BATF: variants seen among roughly 807,000 people sequenced by gnomAD.
BATF encodes the protein basic leucine zipper transcriptional factor ATF-like.
Under a neutral mutation model 13.7 loss-of-function variants are expected in BATF, and 5 were observed. The ratio of observed to expected loss-of-function variants is 0.36; its 90% CI spans 0.19 to 0.77. The LOEUF (loss-of-function observed/expected upper bound fraction) is 0.77. BATF is among the 30% of genes least tolerant of loss of function. BATF has a pLI of 0.51. For synonymous variants in BATF, 72 were observed against 67.5 expected, an observed-to-expected ratio of 1.07 and a Z score of -0.33; for missense variants, 124 against 163.0, an observed-to-expected ratio of 0.76 and a Z score of 1.30.
At chr14:75,541,484 A>G (rs1437005754) in intron 2 of BATF, among the ~76,000 whole-genome samples, 1 of 152,106 alleles carries the variant, frequency 6.6e-6, no homozygotes, top group Non-Finnish European at 1.5e-5. Context: ...TGTCCAGAAT[A>G]TCTGGCCAGG....
intron 1 of BATF, among the ~76,000 whole-genome samples, chr14:75,524,808 T>C (rs1328298329): frequency 6.6e-6 from 1 of 152,084 alleles, no homozygotes; most frequent in Non-Finnish European, 1.5e-5. Context: ...CATTTTTTTT[T>C]TTTTTGGCCA....
intron 2 of BATF, among the ~76,000 whole-genome samples, chr14:75,543,943 C>A (rs1291308686): frequency 2.6e-5 from 4 of 152,058 alleles, no homozygotes; most frequent in Admixed American, 2.6e-4. Context: ...CTATTTAGGG[C>A]AAATTTTAAA....
At position 75,525,243 on chromosome 14, in the gene BATF, A is replaced by C. The variant is rs545498676; in HGVS notation, c.168+55A>C. On this transcript the variant is annotated intron_variant, in intron 2 of 2. Transcript: ENST00000286639. ...TGAGCTTTAGGCTTTGCCCTCCGCC[A>C]TCTGGGAACCCTTGGACCATAGCTT... 2.6e-6 allele frequency: 4 copies of C among 1,535,582 alleles called. No homozygotes were observed. In the Admixed American group the frequency reaches 7.3e-5, roughly 28 times the overall value.
At chr14:75,529,464 A>AT (rs1566766503) in intron 2 of BATF, among the ~76,000 whole-genome samples, 2 of 152,142 alleles carry the variant, frequency 1.3e-5, no homozygotes, top group African/African-American at 2.4e-5. Context: ...TAAATGTTAA[A>AT]TTTTTTAAAA....
intron 1 of BATF, among the ~76,000 whole-genome samples, chr14:75,524,248 C>T (rs939017977): frequency 6.6e-6 from 1 of 152,192 alleles, no homozygotes; most frequent in Non-Finnish European, 1.5e-5. Flanking sequence ...ACCCAAAGAT[C>T]CCCTTATCCT....
At position 75,546,859 on chromosome 14, in the gene BATF, G is replaced by A. The variant is rs1339876177; in HGVS notation, c.*188G>A. 2.6e-5 allele frequency: 21 copies of A among 820,104 alleles called. No homozygotes were observed. Among genetic ancestry groups the A allele is most frequent in the Non-Finnish European group, 4.1e-5 (20 of 493,370 alleles). The allele number at this position is 820,104 out of a possible 1,614,324, so 50.8% of individuals were successfully genotyped here. On this transcript the variant is annotated 3_prime_UTR_variant, in exon 3 of 3. Transcript: ENST00000286639. ...CAGCAGTGCCGCAGCGTTTCGAGGG[G>A]CGTGTGCTGGACCCCACCACTGTGG...
rs144294755 is a variant in BATF, at chr14:75,527,923, C to G, written c.168+2735C>G. On this transcript the variant is annotated intron_variant, in intron 2 of 2. Coordinates refer to ENST00000286639, the MANE Select transcript of BATF (RefSeq NM_006399.5). ...TGCCAATGCAACTTATGTTTCTTGG[C>G]TTCAGGTAGAAGCTTTTGGCAGCAA... Among the ~76,000 whole-genome samples the G allele has an allele frequency of 4.5e-3, 688 of 152,322 alleles. 4 individuals carry two copies. The highest frequency in any genetic ancestry group is 0.016 in the African/African-American group (664 of 41,576).
At chr14:75,532,368 T>C (rs1256542011) in intron 2 of BATF, among the ~76,000 whole-genome samples, 5 of 152,196 alleles carry the variant, frequency 3.3e-5, no homozygotes, top group South Asian at 2.1e-4. Context: ...AGTAAAGACA[T>C]GTTTACTTTC....
intron 2 of BATF, among the ~76,000 whole-genome samples, chr14:75,539,058 A>G (rs962154156): frequency 6.6e-6 from 1 of 152,232 alleles, no homozygotes; most frequent in Non-Finnish European, 1.5e-5. Flanking sequence ...GCATTCAGAG[A>G]CAAGTGAGAG....
chr14:75,527,155 G>C (rs1275415177), intron 2 of BATF, among the ~76,000 whole-genome samples: 1 of 152,052 alleles, frequency 6.6e-6, no homozygotes, highest in African/African-American at 2.4e-5. Flanking sequence ...CATTTAAAGA[G>C]CCCAACACAA....
chr14:75,545,814 A>G (rs1375355214), intron 2 of BATF, among the ~76,000 whole-genome samples: 1 of 151,970 alleles, frequency 6.6e-6, no homozygotes, highest in Non-Finnish European at 1.5e-5. Flanking sequence ...ACGCAGAGGA[A>G]CACACTCACA....
In BATF at chr14:75,546,444, TGA is replaced by T. The variant is rs762016129; in HGVS notation, c.169-17_169-16del. On this transcript the variant is annotated splice_polypyrimidine_tract_variant and intron_variant, in intron 2 of 2. Transcript: ENST00000286639. ...CTTCCTAGACACTAACCTCCGGTGC[TGA>T]TCCCCACCCCTACAGGAGAGCGAAG... 4 of 1,613,588 alleles carry T rather than the reference TGA, an allele frequency of 2.5e-6. No homozygotes were observed. The highest frequency in any genetic ancestry group is 3.4e-6 in the Non-Finnish European group (4 of 1,179,692).
chr14:75,543,748 G>A (rs1887938107), intron 2 of BATF, among the ~76,000 whole-genome samples: 1 of 151,490 alleles, frequency 6.6e-6, no homozygotes, highest in Non-Finnish European at 1.5e-5. Context: ...TTAAACTCCT[G>A]GGCTCTCAGG....
intron 2 of BATF, among the ~76,000 whole-genome samples, chr14:75,533,427 C>CAA (rs888084841): frequency 2.4e-3 from 156 of 63,848 alleles, no homozygotes; most frequent in African/African-American, 4.1e-3. Flanking sequence ...GACTCCGTCT[C>CAA]AAAAAAAAAA....
chr14:75,526,690 T>G (rs1220833161), intron 2 of BATF, among the ~76,000 whole-genome samples: 1 of 152,240 alleles, frequency 6.6e-6, no homozygotes, highest in African/African-American at 2.4e-5. Context: ...ACAGAAAGTC[T>G]GTACTAACTG....
intron 2 of BATF, among the ~76,000 whole-genome samples, chr14:75,541,329 T>C (rs918842345): frequency 1.3e-5 from 2 of 152,156 alleles, no homozygotes; most frequent in African/African-American, 2.4e-5. Flanking sequence ...TGGAGCTGAA[T>C]AGGGAAATCG....
chr14:75,531,419 G>A (rs1887731430), intron 2 of BATF, among the ~76,000 whole-genome samples: 1 of 152,232 alleles, frequency 6.6e-6, no homozygotes, highest in South Asian at 2.1e-4. Flanking sequence ...GCCGGGAGCA[G>A]TGGCAAATAG....
chr14:75,530,630 A>G (rs1421855330), intron 2 of BATF, among the ~76,000 whole-genome samples: 1 of 152,232 alleles, frequency 6.6e-6, no homozygotes, highest in Non-Finnish European at 1.5e-5. Flanking sequence ...AATATAGTCC[A>G]TAGTTTGCTA....
chr14:75,536,564 A>G (rs1339108392), intron 2 of BATF, among the ~76,000 whole-genome samples: 1 of 151,782 alleles, frequency 6.6e-6, no homozygotes, highest in Non-Finnish European at 1.5e-5. Flanking sequence ...CATCTCTACA[A>G]AAAAAAATTT....
Sources: allele counts gnomAD v4.1 joint callset (sites outside exome capture counted in the v4.1 genomes callset), GRCh38; gene constraint gnomAD v4.1.1; transcripts MANE v1.5; gene names NCBI Gene and HGNC (gene_info 2026-07-23, HGNC 2026-07-21).